Variants in SEMA3D observed in about 807,000 individuals in gnomAD.
SEMA3D encodes the protein semaphorin-3D.
SEMA3D carries 84 observed loss-of-function variants against 100.1 expected under a neutral mutation model. The ratio of observed to expected loss-of-function variants is 0.84; its 90% CI spans 0.70 to 1.01. SEMA3D has a LOEUF of 1.01. Ranked by LOEUF, SEMA3D falls within the 50% of genes least tolerant of loss-of-function variation. SEMA3D has a pLI of 0.00. For missense variants in SEMA3D, 875 were observed against 934.1 expected (o/e 0.94, Z 0.82); for synonymous variants, 312 against 320.7 (o/e 0.97, Z 0.29).
chr7:85,167,819 A>G (rs1016916212), intron 1 of SEMA3D, among the ~76,000 whole-genome samples: 1 of 151,900 alleles, frequency 6.6e-6, no homozygotes, highest in Non-Finnish European at 1.5e-5. Context: ...TGATGAATAC[A>G]TTGGGAAATG....
At chr7:85,064,686 A>G (rs867384996) in intron 8 of SEMA3D, among the ~76,000 whole-genome samples, 1 of 152,138 alleles carries the variant, frequency 6.6e-6, no homozygotes, top group Non-Finnish European at 1.5e-5. Context: ...ATGGAATAAA[A>G]TCACATGTTA....
chr7:85,206,044 G>A, the SEMA3D span, among the ~76,000 whole-genome samples: 11 of 152,140 alleles, frequency 7.2e-5, no homozygotes, highest in East Asian at 3.9e-4. Flanking sequence ...GCTGAGTTCC[G>A]TGAAAACTAA....
chr7:85,242,866 T>A, the SEMA3D span, among the ~76,000 whole-genome samples: 1 of 152,160 alleles, frequency 6.6e-6, no homozygotes, highest in Non-Finnish European at 1.5e-5. Flanking sequence ...CAAAACCTGA[T>A]TTTTTACCTT....
intron 1 of SEMA3D, among the ~76,000 whole-genome samples, chr7:85,154,823 T>A (rs1435036718): frequency 1.3e-5 from 2 of 152,054 alleles, no homozygotes; most frequent in African/African-American, 2.4e-5. Flanking sequence ...TTTGAACACA[T>A]AATCTAAAGA....
At chr7:85,197,143 C>G in the SEMA3D span, among the ~76,000 whole-genome samples, 1 of 152,134 alleles carries the variant, frequency 6.6e-6, no homozygotes, top group Non-Finnish European at 1.5e-5. Flanking sequence ...TGAAATGGCC[C>G]TGCAAAGCTG....
chr7:85,002,884 A>T (rs1163448091), intron 18 of SEMA3D, among the ~76,000 whole-genome samples: 2 of 152,164 alleles, frequency 1.3e-5, no homozygotes, highest in Non-Finnish European at 2.9e-5. Flanking sequence ...CAGGGACTTT[A>T]TCTCTTATAA....
intron 12 of SEMA3D, among the ~76,000 whole-genome samples, chr7:85,032,977 C>A (rs1790586607): frequency 6.6e-6 from 1 of 151,830 alleles, no homozygotes; most frequent in South Asian, 2.1e-4. Flanking sequence ...AGCTCAACTT[C>A]AGGTGCAAAT....
chr7:85,102,373 T>C (rs1433633076), intron 3 of SEMA3D, among the ~76,000 whole-genome samples: 2 of 152,014 alleles, frequency 1.3e-5, no homozygotes, highest in African/African-American at 4.8e-5. Context: ...GACCATGGTG[T>C]AATTATTTTG....
chr7:85,216,277 T>C, the SEMA3D span, among the ~76,000 whole-genome samples: 1 of 152,064 alleles, frequency 6.6e-6, no homozygotes. Flanking sequence ...AGGGGTTTTT[T>C]GTCAGTTGTT....
chr7:85,130,577 A>T (rs1053103215), intron 2 of SEMA3D, among the ~76,000 whole-genome samples: 1 of 152,192 alleles, frequency 6.6e-6, no homozygotes, highest in Non-Finnish European at 1.5e-5. Flanking sequence ...GAATTTTGCT[A>T]TAAATAATTT....
At chr7:85,206,331 C>A in the SEMA3D span, among the ~76,000 whole-genome samples, 4 of 151,986 alleles carry the variant, frequency 2.6e-5, no homozygotes, top group African/African-American at 7.2e-5. Flanking sequence ...ACATAAAATT[C>A]TTTGGCCCAG....
At chr7:85,179,704 C>T (rs573263259) in intron 1 of SEMA3D, among the ~76,000 whole-genome samples, 1 of 150,784 alleles carries the variant, frequency 6.6e-6, no homozygotes, top group Non-Finnish European at 1.5e-5. Context: ...CTCTTTTGCC[C>T]AGGCCGGACT....
intron 2 of SEMA3D, among the ~76,000 whole-genome samples, chr7:85,124,056 T>C (rs921576959): frequency 2.0e-5 from 3 of 152,048 alleles, no homozygotes; most frequent in African/African-American, 7.2e-5. Flanking sequence ...TTTTAAAAAA[T>C]AACCTAAAGT....
chr7:85,021,041 A>C (rs1014139764), intron 13 of SEMA3D, among the ~76,000 whole-genome samples: 1 of 150,802 alleles, frequency 6.6e-6, no homozygotes, highest in African/African-American at 2.5e-5. Flanking sequence ...GTTTAGAAAA[A>C]GAAAAAAAAA....
chr7:85,064,169 A>G (rs118189809), intron 8 of SEMA3D, among the ~76,000 whole-genome samples: 1 of 152,332 alleles, frequency 6.6e-6, no homozygotes, highest in East Asian at 1.9e-4. Flanking sequence ...GAGAAACATG[A>G]TATTTGCCAT....
intron 1 of SEMA3D, among the ~76,000 whole-genome samples, chr7:85,180,464 T>C (rs1383823820): frequency 1.3e-5 from 2 of 152,222 alleles, no homozygotes; most frequent in African/African-American, 4.8e-5. Context: ...CATGCATTAA[T>C]CTTATTGACA....
intron 1 of SEMA3D, among the ~76,000 whole-genome samples, chr7:85,171,625 A>C (rs1206222248): frequency 2.6e-5 from 4 of 151,934 alleles, no homozygotes; most frequent in African/African-American, 9.7e-5. Flanking sequence ...CTTGAATAAC[A>C]CCTAAAGGTA....
intron 2 of SEMA3D, among the ~76,000 whole-genome samples, chr7:85,139,389 G>A (rs941302246): frequency 6.6e-5 from 10 of 151,910 alleles, no homozygotes; most frequent in African/African-American, 2.4e-4. Flanking sequence ...CAAAAATATC[G>A]TTATTCAAAT....
intron 6 of SEMA3D, among the ~76,000 whole-genome samples, chr7:85,072,595 AAAC>A (rs1280168215): frequency 3.9e-5 from 6 of 152,212 alleles, no homozygotes; most frequent in Non-Finnish European, 2.9e-5. Context: ...ATCCTGCTAA[AAAC>A]AACTTTTAAT....
Sources: gnomAD v4.1 joint callset for allele counts (sites outside exome capture counted in the v4.1 genomes callset) on GRCh38, gnomAD v4.1.1 for gene constraint, MANE v1.5 for transcripts, NCBI Gene and HGNC (gene_info 2026-07-23, HGNC 2026-07-21) for gene names.